Variants in SMG6 observed in about 807,000 individuals in gnomAD.
The protein encoded by SMG6 is telomerase-binding protein EST1A.
Under a neutral mutation model 142.2 loss-of-function variants are expected in SMG6, and 66 were observed. That is an observed-to-expected ratio of 0.46 (90% confidence interval 0.38 to 0.57). The LOEUF is 0.57. Among genes scored for constraint, SMG6 ranks in the 20% least tolerant of loss-of-function variants. The probability of loss-of-function intolerance (pLI) is 0.00; values close to 1 mark genes in which losing one functional copy is unlikely to be tolerated. For synonymous variants in SMG6, 779 were observed against 702.4 expected, an observed-to-expected ratio of 1.11 and a Z score of -1.72; for missense variants, 1,793 against 1,832.0, an observed-to-expected ratio of 0.98 and a Z score of 0.39.
intron 9 of SMG6, among the ~76,000 whole-genome samples, chr17:2,243,282 C>T (rs1597692743): frequency 6.6e-6 from 1 of 152,196 alleles, no homozygotes. Context: ...TCTAGTCCAC[C>T]GCCCGTGGAG....
chr17:2,294,557 T>A (rs925533383), intron 4 of SMG6, among the ~76,000 whole-genome samples: 1 of 152,332 alleles, frequency 6.6e-6, no homozygotes, highest in African/African-American at 2.4e-5. Flanking sequence ...TTTAAGTATA[T>A]TGTCCTCTTC....
chr17:2,228,483 TC>T (rs2073379570), intron 10 of SMG6, among the ~76,000 whole-genome samples: 1 of 152,124 alleles, frequency 6.6e-6, no homozygotes, highest in Non-Finnish European at 1.5e-5. Flanking sequence ...CGCCTCAGCC[TC>T]CCAAAGTGCT....
Position 2,147,839 on chromosome 17 carries a change from T to C in SMG6, c.3357+24819A>G, listed in dbSNP as rs553980450. On this transcript the variant is annotated intron_variant, in intron 13 of 18. Transcript: ENST00000263073. ...AAGAAACTGGAACTCCTGTGCACTATTGGTGAGGATGTAAAATAGTACAGC... is the reference window on the plus strand; with the variant it reads ...AAGAAACTGGAACTCCTGTGCACTACTGGTGAGGATGTAAAATAGTACAGC... Among the ~76,000 whole-genome samples the C allele has an allele frequency of 6.2e-4, 95 of 152,286 alleles. 1 individual carries two copies. The highest frequency in any genetic ancestry group is 1.1e-3 in the Non-Finnish European group (75 of 68,020).
chr17:2,254,496 G>T (rs548527098), intron 8 of SMG6, among the ~76,000 whole-genome samples: 1 of 152,036 alleles, frequency 6.6e-6, no homozygotes, highest in African/African-American at 2.4e-5. Context: ...CACCAAGCCC[G>T]GCCAATTTTT....
chr17:2,244,838 G>C, intron 8 of SMG6, 119 bp from the exon 9 acceptor site: 1 of 797,828 alleles, frequency 1.3e-6, no homozygotes, highest in Non-Finnish European at 2.1e-6. Flanking sequence ...CACTAGGGAT[G>C]GGAACCAAAT....
intron 13 of SMG6, among the ~76,000 whole-genome samples, chr17:2,117,025 C>A (rs1394927988): frequency 6.6e-6 from 1 of 150,816 alleles, no homozygotes; most frequent in East Asian, 1.9e-4. Context: ...AGAACAACAA[C>A]AAAAAAAGAA....
At chr17:2,209,465 C>G (rs748368521) in intron 10 of SMG6, among the ~76,000 whole-genome samples, 7 of 152,242 alleles carry the variant, frequency 4.6e-5, no homozygotes, top group Non-Finnish European at 8.8e-5. Context: ...CAGGTTCAAG[C>G]GATTCTCCTG....
chr17:2,217,678 A>G (rs535387469), intron 10 of SMG6, among the ~76,000 whole-genome samples: 37 of 152,316 alleles, frequency 2.4e-4, no homozygotes, highest in African/African-American at 8.2e-4. Flanking sequence ...GGCTCCCCTC[A>G]GCCACCTTCC....
chr17:2,110,235 G>A (rs2069274274), intron 13 of SMG6, among the ~76,000 whole-genome samples: 1 of 152,086 alleles, frequency 6.6e-6, no homozygotes, highest in Admixed American at 6.6e-5. Context: ...AGGCCAAACT[G>A]AAGCCAAAGC....
At chr17:2,208,861 G>A (rs553781072) in intron 10 of SMG6, among the ~76,000 whole-genome samples, 3 of 152,322 alleles carry the variant, frequency 2.0e-5, no homozygotes, top group South Asian at 2.1e-4. Flanking sequence ...TGGTACACAC[G>A]TATCGTGGGA....
chr17:2,207,119 A>AC (rs2072708560), intron 10 of SMG6, among the ~76,000 whole-genome samples: 109 of 68,332 alleles, frequency 1.6e-3, no homozygotes, highest in African/African-American at 1.9e-3. Context: ...TAAAAATCCA[A>AC]AAAAAAAAAA....
intron 8 of SMG6, among the ~76,000 whole-genome samples, chr17:2,255,432 A>AAAAATT (rs2074149977): frequency 6.9e-6 from 1 of 144,326 alleles, no homozygotes; most frequent in Admixed American, 6.9e-5. Context: ...AAAAAAAAGA[A>AAAAATT]TGTGATCTTC....
At chr17:2,202,291 G>C (rs1265344685) in intron 10 of SMG6, among the ~76,000 whole-genome samples, 1 of 152,202 alleles carries the variant, frequency 6.6e-6, no homozygotes, top group Non-Finnish European at 1.5e-5. Flanking sequence ...ACTCACACCT[G>C]TAATCCTAGC....
chr17:2,255,077 T>C (rs1002949790), intron 8 of SMG6, among the ~76,000 whole-genome samples: 2 of 151,994 alleles, frequency 1.3e-5, no homozygotes, highest in African/African-American at 4.8e-5. Flanking sequence ...TCTGGAGAAG[T>C]GGGCAGGGCA....
chr17:2,103,680 T>C (rs1332209327), intron 13 of SMG6, among the ~76,000 whole-genome samples: 1 of 152,182 alleles, frequency 6.6e-6, no homozygotes, highest in African/African-American at 2.4e-5. Flanking sequence ...ACGCTCTTCT[T>C]GTGAGCTGTT....
At chr17:2,171,559 A>G (rs1057372627) in intron 13 of SMG6, among the ~76,000 whole-genome samples, 1 of 111,110 alleles carries the variant, frequency 9.0e-6, no homozygotes, top group African/African-American at 3.9e-5. Flanking sequence ...GTTTGCTTGT[A>G]GAGACAGGTT....
rs555878091 is a variant in SMG6 at position 2,065,348 on chromosome 17, G to A, written c.4047+120C>T. 4.4e-4 allele frequency: 470 copies of A among 1,064,014 alleles called. 1 individual carries two copies. The African/African-American group carries it at 6.3e-3, about 14-fold the overall frequency. 65.9% of individuals were successfully genotyped at this position (1,064,014 alleles called of 1,614,324 possible). A position where few individuals can be genotyped will look rare whatever the true frequency, so the allele number is the denominator to read the frequency against. On this transcript the variant is annotated intron_variant, in intron 17 of 18. Transcript: ENST00000263073. Reference sequence around the variant, plus strand: ...GGGGAGAAGGAACTCCCCCACCTGGGCCTCCATGGTGGCTGGCCCTCAGCT... The same window carrying A: ...GGGGAGAAGGAACTCCCCCACCTGGACCTCCATGGTGGCTGGCCCTCAGCT...
chr17:2,255,407 A>C (rs1159066313), intron 8 of SMG6, among the ~76,000 whole-genome samples: 1 of 52,636 alleles, frequency 1.9e-5, no homozygotes. Flanking sequence ...CCGTCTCAAA[A>C]AAAAAAAAAA....
At chr17:2,087,175 C>T (rs768526322) in intron 13 of SMG6, 37 of 1,290,364 alleles carry the variant, frequency 2.9e-5, no homozygotes, top group Middle Eastern at 2.1e-4. Context: ...CGTTTTCGTA[C>T]GTCACTGGCA....
Sources: gnomAD v4.1 joint callset for allele counts (sites outside exome capture counted in the v4.1 genomes callset) on GRCh38, gnomAD v4.1.1 for gene constraint, MANE v1.5 for transcripts, NCBI Gene and HGNC (gene_info 2026-07-23, HGNC 2026-07-21) for gene names.